CNTNAP2: variants seen among roughly 807,000 people sequenced by gnomAD.
The protein encoded by CNTNAP2 is contactin associated protein 2.
In CNTNAP2, 98 loss-of-function variants were observed where a neutral mutation model predicts 155.2. The ratio of observed to expected loss-of-function variants is 0.63; its 90% CI spans 0.54 to 0.75. The LOEUF is 0.75. CNTNAP2 is among the 30% of genes least tolerant of loss of function. The pLI is 0.00. For synonymous variants in CNTNAP2, 651 were observed against 631.2 expected (o/e 1.03, Z -0.47); for missense variants, 1,727 against 1,688.1 (o/e 1.02, Z -0.40).
chr7:146,652,553 T>C (rs536501923), intron 1 of CNTNAP2, among the ~76,000 whole-genome samples: 1 of 152,260 alleles, frequency 6.6e-6, no homozygotes, highest in South Asian at 2.1e-4. Flanking sequence ...TTAACAATCT[T>C]TTTACTTCTG....
intron 3 of CNTNAP2, among the ~76,000 whole-genome samples, chr7:146,975,993 C>T (rs1382553556): frequency 3.9e-5 from 6 of 152,120 alleles, no homozygotes; most frequent in East Asian, 1.9e-4. Context: ...TGATGATGAG[C>T]GAAGAAACCG....
chr7:147,017,123 TCTC>T (rs1798739171), intron 3 of CNTNAP2, among the ~76,000 whole-genome samples: 1 of 151,950 alleles, frequency 6.6e-6, no homozygotes, highest in African/African-American at 2.4e-5. Flanking sequence ...AAAGGGCTAT[TCTC>T]CTTCTCCTTC....
intron 3 of CNTNAP2, among the ~76,000 whole-genome samples, chr7:147,002,325 G>A (rs1798440613): frequency 6.6e-6 from 1 of 151,982 alleles, no homozygotes; most frequent in Non-Finnish European, 1.5e-5. Context: ...AAAAACAACA[G>A]CAAACAGAAA....
chr7:148,018,122 A>G (rs577298500), intron 15 of CNTNAP2, among the ~76,000 whole-genome samples: 13 of 152,288 alleles, frequency 8.5e-5, no homozygotes, highest in African/African-American at 3.1e-4. Context: ...TTTTCATCAG[A>G]ATGGGGAAAA....
At chr7:146,339,747 T>C (rs1345446202) in intron 1 of CNTNAP2, among the ~76,000 whole-genome samples, 4 of 152,158 alleles carry the variant, frequency 2.6e-5, no homozygotes, top group Non-Finnish European at 5.9e-5. Context: ...ACATGAAGTC[T>C]TTACTCAAGC....
chr7:147,462,301 C>A (rs573471272), intron 10 of CNTNAP2, among the ~76,000 whole-genome samples: 2 of 152,274 alleles, frequency 1.3e-5, no homozygotes, highest in African/African-American at 4.8e-5. Flanking sequence ...TGCTTAGAGT[C>A]CCCAGTGCTT....
intron 13 of CNTNAP2, among the ~76,000 whole-genome samples, chr7:147,797,393 A>G (rs369341940): frequency 9.9e-5 from 15 of 152,002 alleles, no homozygotes; most frequent in East Asian, 3.9e-4. Flanking sequence ...GTTCTTATTG[A>G]CCATCAATGA....
At chr7:146,172,307 A>T (rs1405690572) in intron 1 of CNTNAP2, among the ~76,000 whole-genome samples, 1 of 152,036 alleles carries the variant, frequency 6.6e-6, no homozygotes, top group Non-Finnish European at 1.5e-5. Flanking sequence ...TGCTACTGAC[A>T]TCTAGTGGGT....
intron 1 of CNTNAP2, among the ~76,000 whole-genome samples, chr7:146,709,974 CACAATCGATT>C (rs1801035160): frequency 6.6e-6 from 1 of 152,162 alleles, no homozygotes; most frequent in South Asian, 2.1e-4. Flanking sequence ...TCAATGTTTT[CACAATCGATT>C]AGGAGCTTAG....
At chr7:146,390,805 G>T (rs975933651) in intron 1 of CNTNAP2, among the ~76,000 whole-genome samples, 1 of 137,590 alleles carries the variant, frequency 7.3e-6, no homozygotes, top group Admixed American at 8.1e-5. Flanking sequence ...GTGGTGGCTC[G>T]CGCCTGTAAT....
intron 1 of CNTNAP2, among the ~76,000 whole-genome samples, chr7:146,423,611 C>T (rs1342471052): frequency 6.6e-6 from 1 of 152,174 alleles, no homozygotes; most frequent in Admixed American, 6.6e-5. Flanking sequence ...AAACTAGTGA[C>T]AGTAACATAT....
chr7:147,505,375 A>G (rs1175869880), intron 11 of CNTNAP2, among the ~76,000 whole-genome samples: 2 of 148,812 alleles, frequency 1.3e-5, no homozygotes, highest in African/African-American at 2.6e-5. Context: ...CCATGCGCAC[A>G]CACATATACA....
chr7:147,005,384 A>C (rs1320432882), intron 3 of CNTNAP2, among the ~76,000 whole-genome samples: 1 of 152,086 alleles, frequency 6.6e-6, no homozygotes, highest in Non-Finnish European at 1.5e-5. Flanking sequence ...TATTGTAGAG[A>C]AGGAAAAATA....
chr7:147,503,140 T>G (rs1273899913), intron 11 of CNTNAP2, among the ~76,000 whole-genome samples: 1 of 152,186 alleles, frequency 6.6e-6, no homozygotes, highest in African/African-American at 2.4e-5. Context: ...CACGCTCCCC[T>G]TGAAATTTCT....
At chr7:147,341,938 T>G (rs1287549669) in intron 9 of CNTNAP2, among the ~76,000 whole-genome samples, 1 of 152,210 alleles carries the variant, frequency 6.6e-6, no homozygotes, top group African/African-American at 2.4e-5. Flanking sequence ...CCATAGACCA[T>G]GAGGCTTAAA....
At chr7:148,094,842 C>T (rs1413557652) in intron 15 of CNTNAP2, among the ~76,000 whole-genome samples, 1 of 152,124 alleles carries the variant, frequency 6.6e-6, no homozygotes, top group African/African-American at 2.4e-5. Flanking sequence ...TGGCACTTGG[C>T]TCTAGGAAGG....
intron 10 of CNTNAP2, among the ~76,000 whole-genome samples, chr7:147,464,811 CAAAAAT>C (rs1289983682): frequency 1.3e-5 from 2 of 152,008 alleles, no homozygotes; most frequent in African/African-American, 4.8e-5. Flanking sequence ...AGGTCTGAAA[CAAAAAT>C]AAAAAGATCT....
At chr7:148,290,507 G>A (rs1341006010) in intron 21 of CNTNAP2, among the ~76,000 whole-genome samples, 1 of 152,168 alleles carries the variant, frequency 6.6e-6, no homozygotes, top group Non-Finnish European at 1.5e-5. Context: ...GAAGGTCAAG[G>A]ATAGGAGAAT....
intron 13 of CNTNAP2, among the ~76,000 whole-genome samples, chr7:147,845,005 T>A (rs1291682905): frequency 7.4e-6 from 1 of 135,112 alleles, no homozygotes; most frequent in Admixed American, 8.2e-5. Flanking sequence ...GCCAGTATTT[T>A]ATTGAGGATT....
Sources: allele counts gnomAD v4.1 joint callset (sites outside exome capture counted in the v4.1 genomes callset), GRCh38; gene constraint gnomAD v4.1.1; transcripts MANE v1.5; gene names NCBI Gene and HGNC (gene_info 2026-07-23, HGNC 2026-07-21).